Variants in HSD17B12 observed in about 807,000 individuals in gnomAD.
The protein encoded by HSD17B12 is very-long-chain 3-oxoacyl-CoA reductase.
In HSD17B12, 32 loss-of-function variants were observed where a neutral mutation model predicts 39.3. That is an observed-to-expected ratio of 0.81 (90% CI 0.61 to 1.09). HSD17B12 has a LOEUF of 1.09. Ranked by LOEUF, HSD17B12 falls within the 50% of genes least tolerant of loss-of-function variation. The pLI, the probability that HSD17B12 is intolerant of heterozygous loss-of-function variation, is 0.00. For synonymous variants in HSD17B12, 150 were observed against 146.7 expected, an observed-to-expected ratio of 1.02 and a Z score of -0.16; for missense variants, 342 against 382.9, an observed-to-expected ratio of 0.89 and a Z score of 0.89.
intron 3 of HSD17B12, among the ~76,000 whole-genome samples, chr11:43,762,278 A>G (rs556131955): frequency 6.6e-6 from 1 of 152,202 alleles, no homozygotes. Flanking sequence ...GCTTTTACAA[A>G]ATGTTTAATT....
chr11:43,751,044 G>A (rs553297977), intron 2 of HSD17B12, 87 bp downstream of exon 2: 65 of 868,910 alleles, frequency 7.5e-5, no homozygotes, highest in Admixed American at 1.7e-4. Flanking sequence ...GATTTTTGAA[G>A]TAAAAAACAC....
At chr11:43,704,387 C>A (rs957280404) in intron 1 of HSD17B12, among the ~76,000 whole-genome samples, 2 of 152,084 alleles carry the variant, frequency 1.3e-5, no homozygotes, top group Admixed American at 1.3e-4. Context: ...ACTGAACGAA[C>A]CTTGTAGGTT....
At chr11:43,647,072 C>T in the HSD17B12 span, among the ~76,000 whole-genome samples, 1 of 152,048 alleles carries the variant, frequency 6.6e-6, no homozygotes, top group Non-Finnish European at 1.5e-5. Flanking sequence ...GCCTTTAATT[C>T]TTGTGTTCAT....
chr11:43,659,657 A>C, the HSD17B12 span, among the ~76,000 whole-genome samples: 1 of 152,258 alleles, frequency 6.6e-6, no homozygotes. Flanking sequence ...AATACAGTTA[A>C]GAAAATGAAA....
At chr11:43,612,217 G>A in the HSD17B12 span, among the ~76,000 whole-genome samples, 3 of 152,032 alleles carry the variant, frequency 2.0e-5, no homozygotes, top group African/African-American at 7.2e-5. Context: ...ATAATTTGGG[G>A]TATTTTATAA....
chr11:43,779,305 C>T (rs977127986), intron 3 of HSD17B12, among the ~76,000 whole-genome samples: 4 of 152,138 alleles, frequency 2.6e-5, no homozygotes, highest in East Asian at 1.9e-4. Flanking sequence ...TTCTTATAGG[C>T]ATTAATTTGA....
At chr11:43,766,568 G>A (rs974132168) in intron 3 of HSD17B12, among the ~76,000 whole-genome samples, 3 of 152,186 alleles carry the variant, frequency 2.0e-5, no homozygotes, top group Admixed American at 1.3e-4. Flanking sequence ...AGATTTCCTG[G>A]TAAATATTAC....
chr11:43,699,176 GT>G (rs568653576), intron 1 of HSD17B12, among the ~76,000 whole-genome samples: 4 of 152,070 alleles, frequency 2.6e-5, no homozygotes, highest in Non-Finnish European at 5.9e-5. Flanking sequence ...TGACATAACT[GT>G]TTAAAGTCTC....
At chr11:43,784,006 C>T (rs187216187) in intron 3 of HSD17B12, among the ~76,000 whole-genome samples, 19 of 152,198 alleles carry the variant, frequency 1.2e-4, no homozygotes, top group African/African-American at 4.6e-4. Flanking sequence ...GCAGGATGAG[C>T]CACAGACAAA....
chr11:43,634,844 G>A, the HSD17B12 span, among the ~76,000 whole-genome samples: 27 of 152,178 alleles, frequency 1.8e-4, no homozygotes, highest in Middle Eastern at 3.2e-3. Flanking sequence ...TTAAGAACGC[G>A]TGTGTACTGT....
At chr11:43,750,826 T>G in intron 1 of HSD17B12, 85 bp from the exon 2 acceptor site, 1 of 873,518 alleles carries the variant, frequency 1.1e-6, no homozygotes, top group Non-Finnish European at 1.8e-6. Flanking sequence ...CACTGGTCCT[T>G]TTGTATGTAA....
chr11:43,720,357 G>A (rs1950165528), intron 1 of HSD17B12, among the ~76,000 whole-genome samples: 1 of 152,136 alleles, frequency 6.6e-6, no homozygotes, highest in Non-Finnish European at 1.5e-5. Context: ...AGTTAATTAG[G>A]TAAATATTCT....
chr11:43,624,269 C>A, the HSD17B12 span, among the ~76,000 whole-genome samples: 2 of 151,942 alleles, frequency 1.3e-5, no homozygotes, highest in East Asian at 3.8e-4. Flanking sequence ...AAAAGAAAGT[C>A]TCTTGGAGAA....
chr11:43,749,369 T>G (rs1590716994), intron 1 of HSD17B12, among the ~76,000 whole-genome samples: 2 of 152,284 alleles, frequency 1.3e-5, no homozygotes, highest in African/African-American at 2.4e-5. Flanking sequence ...GAATTTATAG[T>G]GATTACATAT....
At chr11:43,617,017 A>T in the HSD17B12 span, among the ~76,000 whole-genome samples, 1 of 151,572 alleles carries the variant, frequency 6.6e-6, no homozygotes, top group East Asian at 1.9e-4. Context: ...AATCCGGGGT[A>T]AGTTCTGTTA....
the HSD17B12 span, among the ~76,000 whole-genome samples, chr11:43,560,568 A>C: frequency 2.0e-5 from 3 of 152,122 alleles, no homozygotes. Context: ...TCATAGGCTT[A>C]CTTTCCATTC....
the HSD17B12 span, among the ~76,000 whole-genome samples, chr11:43,618,158 G>A: frequency 6.6e-6 from 1 of 152,084 alleles, no homozygotes; most frequent in Non-Finnish European, 1.5e-5. Context: ...TTTTTGGAAG[G>A]AGTCTCCTGT....
At chr11:43,855,073 T>A (rs1223109230) in intron 10 of HSD17B12, 71 bp from the exon 11 acceptor site, 1 of 1,198,140 alleles carries the variant, frequency 8.3e-7, no homozygotes, top group Non-Finnish European at 1.2e-6. Context: ...AATAAAACAT[T>A]AAATCATATG....
intron 3 of HSD17B12, among the ~76,000 whole-genome samples, chr11:43,769,969 T>A (rs1043721097): frequency 2.0e-5 from 3 of 152,202 alleles, no homozygotes; most frequent in Non-Finnish European, 1.5e-5. Flanking sequence ...CAATCCTTAT[T>A]GCTTCCTTCC....
Sources: gnomAD v4.1 joint callset for allele counts (sites outside exome capture counted in the v4.1 genomes callset) on GRCh38, gnomAD v4.1.1 for gene constraint, MANE v1.5 for transcripts, NCBI Gene and HGNC (gene_info 2026-07-23, HGNC 2026-07-21) for gene names.